NRG2: variants seen among roughly 807,000 people sequenced by gnomAD.
NRG2 encodes the protein pro-neuregulin-2, membrane-bound isoform.
NRG2 carries 27 observed loss-of-function variants against 73.9 expected under a neutral mutation model. That is an observed-to-expected ratio of 0.37 (90% CI 0.27 to 0.50). The LOEUF (loss-of-function observed/expected upper bound fraction) is 0.50. Ranked by LOEUF, NRG2 falls within the 20% of genes least tolerant of loss-of-function variation. The probability of loss-of-function intolerance (pLI) is 0.96; values close to 1 mark genes in which losing one functional copy is unlikely to be tolerated. For missense variants in NRG2, 1,126 were observed against 1,210.1 expected (o/e 0.93, Z 1.03); for synonymous variants, 532 against 541.0 (o/e 0.98, Z 0.23).
intron 1 of NRG2, among the ~76,000 whole-genome samples, chr5:139,968,619 G>C (rs1356463143): frequency 6.6e-6 from 1 of 152,222 alleles, no homozygotes; most frequent in Admixed American, 6.5e-5. Flanking sequence ...CTCCTGAGCG[G>C]CAGCGCCAGC....
At chr5:139,989,596 C>T (rs1489429235) in intron 1 of NRG2, among the ~76,000 whole-genome samples, 1 of 151,666 alleles carries the variant, frequency 6.6e-6, no homozygotes, top group South Asian at 2.1e-4. Context: ...TCCCGTGGCA[C>T]GCAATAATTT....
chr5:139,972,453 G>A (rs183108658), intron 1 of NRG2, among the ~76,000 whole-genome samples: 6 of 152,282 alleles, frequency 3.9e-5, no homozygotes, highest in East Asian at 1.9e-4. Flanking sequence ...AACTGGGCAC[G>A]GTGGCTCACA....
At chr5:139,903,003 G>C (rs907556606) in intron 1 of NRG2, among the ~76,000 whole-genome samples, 12 of 152,228 alleles carry the variant, frequency 7.9e-5, no homozygotes, top group Non-Finnish European at 1.6e-4. Context: ...TACCCTGCTG[G>C]AAATAGTGTT....
chr5:139,934,149 T>G (rs1561689915), intron 1 of NRG2, among the ~76,000 whole-genome samples: 1 of 152,162 alleles, frequency 6.6e-6, no homozygotes, highest in Non-Finnish European at 1.5e-5. Context: ...CAGTGAGCTG[T>G]GATTGTGCCA....
At chr5:140,012,466 C>A (rs972667919) in intron 1 of NRG2, among the ~76,000 whole-genome samples, 1 of 152,184 alleles carries the variant, frequency 6.6e-6, no homozygotes, top group African/African-American at 2.4e-5. Flanking sequence ...AATACCCTGG[C>A]TTCTCAGTTC....
chr5:139,988,511 C>T (rs1351069730), intron 1 of NRG2, among the ~76,000 whole-genome samples: 2 of 151,814 alleles, frequency 1.3e-5, no homozygotes, highest in East Asian at 1.9e-4. Flanking sequence ...ACCTTAAATC[C>T]ATATTGCTAA....
intron 1 of NRG2, among the ~76,000 whole-genome samples, chr5:139,919,840 C>A (rs1751530641): frequency 6.6e-6 from 1 of 152,158 alleles, no homozygotes; most frequent in Admixed American, 6.5e-5. Context: ...TAAAACACAG[C>A]AATTGGATTA....
chr5:139,974,734 T>C (rs1195914046), intron 1 of NRG2, among the ~76,000 whole-genome samples: 1 of 152,174 alleles, frequency 6.6e-6, no homozygotes, highest in Non-Finnish European at 1.5e-5. Flanking sequence ...AATGGCCTGG[T>C]CCTCCACCCA....
In NRG2 at chr5:139,847,872, TAAAG is replaced by T; in HGVS notation, c.*41_*44del. 7.8e-7 allele frequency: 1 copy of T among 1,283,788 alleles called. No individual in the cohort carries two copies. The highest frequency in any genetic ancestry group is 1.0e-6 in the Non-Finnish European group (1 of 991,462). 79.5% of individuals were successfully genotyped at this position (1,283,788 alleles called of 1,614,324 possible). A position where few individuals can be genotyped will look rare whatever the true frequency, so the allele number is the denominator to read the frequency against. ...TCCAGTAGGCGGTCTCTGGTCTCCT[TAAAG>T]ATAGTGGGGCGGGCGGGGCGGAGGG... On this transcript the variant is annotated 3_prime_UTR_variant, in exon 10 of 10. Transcript: ENST00000361474.
intron 1 of NRG2, among the ~76,000 whole-genome samples, chr5:140,010,907 G>GC (rs1231992575): frequency 6.6e-6 from 1 of 152,130 alleles, no homozygotes; most frequent in African/African-American, 2.4e-5. Flanking sequence ...TTTGAATCTG[G>GC]CCCCCCTTCA....
chr5:139,928,559 T>G (rs1426710416), intron 1 of NRG2, among the ~76,000 whole-genome samples: 2 of 152,146 alleles, frequency 1.3e-5, no homozygotes, highest in African/African-American at 4.8e-5. Flanking sequence ...GGCCATCTAT[T>G]TCCTACTCTC....
Position 139,847,659 on chromosome 5 carries a change from T to G in NRG2, c.*258A>C. 8 of 309,548 alleles carry G rather than the reference T, an allele frequency of 2.6e-5. No homozygotes were observed. Among genetic ancestry groups the G allele is most frequent in the East Asian group, 5.1e-5 (1 of 19,536 alleles). The allele number at this position is 309,548 out of a possible 1,614,324, so 19.2% of individuals were successfully genotyped here. A position where few individuals can be genotyped will look rare whatever the true frequency, so the allele number is the denominator to read the frequency against. On this transcript the variant is annotated 3_prime_UTR_variant, in exon 10 of 10. Coordinates refer to ENST00000361474, the MANE Select transcript of NRG2 (RefSeq NM_004883.3). ...TGGCCCATCTCTCTTTTTTTTTTGT[T>G]GTTTCTTTTTTTTTTCCGAAGCTGT...
At chr5:139,896,281 GATAAA>G (rs1166415711) in intron 1 of NRG2, among the ~76,000 whole-genome samples, 2 of 152,188 alleles carry the variant, frequency 1.3e-5, no homozygotes, top group Admixed American at 1.3e-4. Context: ...GGATTTTTAA[GATAAA>G]ATAAAAGTAT....
chr5:139,903,342 T>G (rs1765007852), intron 1 of NRG2, among the ~76,000 whole-genome samples: 1 of 152,242 alleles, frequency 6.6e-6, no homozygotes, highest in Non-Finnish European at 1.5e-5. Context: ...TAGGACCACC[T>G]GCTCCCAGGA....
Position 139,847,874 on chromosome 5 carries a change from A to T in NRG2, c.*43T>A. On this transcript the variant is annotated 3_prime_UTR_variant, in exon 10 of 10. Coordinates refer to ENST00000361474, the MANE Select transcript of NRG2 (RefSeq NM_004883.3). ...CAGTAGGCGGTCTCTGGTCTCCTTA[A>T]AGATAGTGGGGCGGGCGGGGCGGAG... 2 of 1,327,700 alleles carry T rather than the reference A, an allele frequency of 1.5e-6. No homozygotes were observed. The highest frequency in any genetic ancestry group is 3.1e-5 in the East Asian group (1 of 32,432). The allele number at this position is 1,327,700 out of a possible 1,614,324, so 82.2% of individuals were successfully genotyped here.
chr5:139,890,552 A>G (rs887059117), intron 1 of NRG2, among the ~76,000 whole-genome samples: 4 of 136,170 alleles, frequency 2.9e-5, no homozygotes, highest in Non-Finnish European at 4.6e-5. Context: ...GAACTTCATT[A>G]TTCTAAGTGT....
chr5:140,040,746 A>T (rs140026826), intron 1 of NRG2, among the ~76,000 whole-genome samples: 2 of 152,354 alleles, frequency 1.3e-5, no homozygotes, highest in African/African-American at 4.8e-5. Flanking sequence ...GGCATCTCAG[A>T]GTATTTTAAT....
At chr5:139,957,568 C>G (rs981999639) in intron 1 of NRG2, among the ~76,000 whole-genome samples, 3 of 152,126 alleles carry the variant, frequency 2.0e-5, no homozygotes, top group African/African-American at 7.2e-5. Flanking sequence ...TTCCACACTG[C>G]CACCTCTTCC....
rs948376758 is a variant in NRG2, at chr5:139,915,641, C to T, written c.701-28130G>A. Among the ~76,000 whole-genome samples, 7 of 152,164 alleles carry T rather than the reference C, an allele frequency of 4.6e-5. No homozygotes were observed. Among genetic ancestry groups the T allele is most frequent in the African/African-American group, 1.7e-4 (7 of 41,430 alleles). ...TACAGGTGTTTTCTCCGTATATTGT[C>T]TGTATATTCAGACAACTCTGAATAT... On this transcript the variant is annotated intron_variant, in intron 1 of 9. Coordinates refer to ENST00000361474, the MANE Select transcript of NRG2 (RefSeq NM_004883.3). The surrounding 1 kb of genome is among the most constrained non-coding windows in gnomAD (Gnocchi z 4.0).
Sources: allele counts gnomAD v4.1 joint callset (sites outside exome capture counted in the v4.1 genomes callset), GRCh38; gene constraint gnomAD v4.1.1; non-coding constraint Gnocchi (gnomAD v3.1); transcripts MANE v1.5; gene names NCBI Gene and HGNC (gene_info 2026-07-23, HGNC 2026-07-21).